KCNS3: variants seen among roughly 807,000 people sequenced by gnomAD.
KCNS3 encodes the protein potassium voltage-gated channel modifier subfamily S member 3, also known as delayed-rectifier potassium channel regulatory subunit KCNS3.
A neutral mutation model predicts 31.0 loss-of-function variants in KCNS3; 13 were observed. That is an observed-to-expected ratio of 0.42 (90% CI 0.27 to 0.67). The LOEUF (loss-of-function observed/expected upper bound fraction) is 0.67. Among genes scored for constraint, KCNS3 ranks in the 30% least tolerant of loss-of-function variants. KCNS3 has a pLI of 0.25. For synonymous variants in KCNS3, 238 were observed against 241.5 expected (o/e 0.99, Z 0.13); for missense variants, 545 against 622.4 (o/e 0.88, Z 1.32).
chr2:17,886,976 A>G (rs1037750534), intron 1 of KCNS3, among the ~76,000 whole-genome samples: 8 of 144,044 alleles, frequency 5.6e-5, no homozygotes, highest in Non-Finnish European at 1.2e-4. Flanking sequence ...TGATGTAATT[A>G]GAAATTGAAT....
At chr2:17,884,264 A>AT (rs1553340988) in intron 1 of KCNS3, among the ~76,000 whole-genome samples, 183 of 47,980 alleles carry the variant, frequency 3.8e-3, no homozygotes, top group African/African-American at 8.9e-3. Context: ...ATTAAAAAAA[A>AT]AAAAATATAT....
chr2:17,886,997 T>G (rs1661678671), intron 1 of KCNS3, among the ~76,000 whole-genome samples: 1 of 143,860 alleles, frequency 7.0e-6, no homozygotes, highest in African/African-American at 2.8e-5. Context: ...GTCAGCATGG[T>G]GCATCTTTTT....
At chr2:17,918,987 C>T (rs913139764) in intron 2 of KCNS3, among the ~76,000 whole-genome samples, 17 of 152,238 alleles carry the variant, frequency 1.1e-4, no homozygotes, top group Non-Finnish European at 2.5e-4. Context: ...GGAGTATTTA[C>T]AGCAGGGCTA....
chr2:17,928,252 T>G (rs184458187), intron 2 of KCNS3, among the ~76,000 whole-genome samples: 6 of 152,288 alleles, frequency 3.9e-5, no homozygotes, highest in African/African-American at 1.4e-4. Flanking sequence ...TCTTCTCTCA[T>G]TTTTTAATTT....
intron 1 of KCNS3, among the ~76,000 whole-genome samples, chr2:17,892,189 A>T (rs1292743194): frequency 6.6e-6 from 1 of 151,298 alleles, no homozygotes; most frequent in Non-Finnish European, 1.5e-5. Context: ...CGAGCTCTGA[A>T]TTTCTTTCTT....
In KCNS3 at chr2:17,931,783, G is replaced by A; in HGVS notation, c.775G>A (p.Asp259Asn). 6.2e-7 allele frequency: 1 copy of A among 1,614,120 alleles called. No individual in the cohort carries two copies. The highest frequency in any genetic ancestry group is 8.5e-7 in the Non-Finnish European group (1 of 1,179,994). ...CTGGAAAAACCCTCTGAACATCATTGACTTTGTCTCTATTATTCCCTTCTA... is the reference window on the plus strand; with the variant it reads ...CTGGAAAAACCCTCTGAACATCATTAACTTTGTCTCTATTATTCCCTTCTA... ...KFWKNPLNII[D>N]FVSIIPFYAT... The change falls in exon 3 of 3, where the codon GAC becomes AAC. Residue 259 changes from aspartate (D) to asparagine (N), a missense_variant. By Grantham distance (23) the Asp-to-Asn change is conservative. Transcript: ENST00000304101. The surrounding 1 kb of genome is among the most constrained non-coding windows in gnomAD (Gnocchi z 5.4).
chr2:17,879,423 T>G (rs565582345), intron 1 of KCNS3: 1 of 152,476 alleles, frequency 6.6e-6, no homozygotes, highest in South Asian at 2.1e-4. Context: ...CGTGCAGCGC[T>G]GCGCCCTGGG....
chr2:17,932,625 C>G lies in KCNS3; in HGVS notation c.*141C>G. 1 of 831,412 alleles carries G rather than the reference C, an allele frequency of 1.2e-6. No individual in the cohort carries two copies. The highest frequency in any genetic ancestry group is 1.9e-6 in the Non-Finnish European group (1 of 540,008). 51.5% of individuals were successfully genotyped at this position (831,412 alleles called of 1,614,324 possible). A position where few individuals can be genotyped will look rare whatever the true frequency, so the allele number is the denominator to read the frequency against. On this transcript the variant is annotated 3_prime_UTR_variant, in exon 3 of 3. Coordinates refer to ENST00000304101, the MANE Select transcript of KCNS3 (RefSeq NM_002252.5). The stretch of plus-strand genomic sequence containing the variant: ...ATAGTTGGACATTCATTGCTGAATT[C>G]TGAAATGATAGAATTGTCTTTATTT...
intron 2 of KCNS3, among the ~76,000 whole-genome samples, chr2:17,927,679 A>T (rs1662868944): frequency 6.6e-6 from 1 of 152,178 alleles, no homozygotes; most frequent in Non-Finnish European, 1.5e-5. Context: ...CTATTACAAG[A>T]ACAGCATGGG....
chr2:17,883,492 A>G lies in KCNS3; in HGVS notation c.-252+4686A>G, dbSNP rs1012569523. On this transcript the variant is annotated intron_variant, in intron 1 of 2. Transcript: ENST00000304101. ...AGTGGTAAGTTCTCTAAAGGACTTC[A>G]TGGGAGAGAGTAACAAGGGTAGGGA... 2.0e-5 allele frequency among the ~76,000 whole-genome samples: 3 copies of G among 152,166 alleles called. No homozygotes were observed. In the South Asian group the frequency reaches 6.2e-4, roughly 32 times the overall value.
intron 1 of KCNS3, among the ~76,000 whole-genome samples, chr2:17,890,856 A>C (rs554432819): frequency 6.6e-6 from 1 of 152,238 alleles, no homozygotes; most frequent in South Asian, 2.1e-4. Flanking sequence ...CATATGGTCT[A>C]TCTTGGAGAA....
intron 1 of KCNS3, among the ~76,000 whole-genome samples, chr2:17,898,750 A>G (rs1662091922): frequency 6.6e-6 from 1 of 152,212 alleles, no homozygotes; most frequent in Non-Finnish European, 1.5e-5. Flanking sequence ...TCAAAGGGGC[A>G]GAGGAAACTA....
At chr2:17,909,769 G>C (rs1019058404) in intron 1 of KCNS3, among the ~76,000 whole-genome samples, 6 of 152,206 alleles carry the variant, frequency 3.9e-5, no homozygotes, top group Admixed American at 3.9e-4. Context: ...TTAGGATATG[G>C]CTCACTTGGC....
chr2:17,890,966 C>T (rs1019368381), intron 1 of KCNS3, among the ~76,000 whole-genome samples: 15 of 152,022 alleles, frequency 9.9e-5, no homozygotes, highest in Admixed American at 6.6e-4. Context: ...AGTTTAAATC[C>T]GTTGTTTCTT....
chr2:17,926,283 G>A lies in KCNS3; in HGVS notation c.-59-4667G>A, dbSNP rs529004642. ...AGCTGCTTTCATGGACTGGTGTTGA[G>A]TGTCTGTGGCTTTTCCAGGTGCTCA... is the stretch of plus-strand genomic sequence containing the variant. On this transcript the variant is annotated intron_variant, in intron 2 of 2. Coordinates refer to ENST00000304101, the MANE Select transcript of KCNS3 (RefSeq NM_002252.5). Among the ~76,000 whole-genome samples, 3 of 152,350 alleles carry A rather than the reference G, an allele frequency of 2.0e-5. No homozygotes were observed. The East Asian group carries it at 5.8e-4, about 29-fold the overall frequency.
At chr2:17,919,288 G>A (rs1432439519) in intron 2 of KCNS3, 2 of 152,222 alleles carry the variant, frequency 1.3e-5, no homozygotes, top group African/African-American at 2.4e-5. Flanking sequence ...AATAGGGGAA[G>A]GAAGTGGGGG....
At chr2:17,898,867 T>A (rs1411689543) in intron 1 of KCNS3, among the ~76,000 whole-genome samples, 1 of 152,104 alleles carries the variant, frequency 6.6e-6, no homozygotes, top group Non-Finnish European at 1.5e-5. Context: ...GTGGCAGCAT[T>A]TCCTGTGTAC....
chr2:17,885,077 G>T (rs1661610720), intron 1 of KCNS3, among the ~76,000 whole-genome samples: 1 of 152,126 alleles, frequency 6.6e-6, no homozygotes, highest in Non-Finnish European at 1.5e-5. Context: ...AACTATGAAT[G>T]GGGATGTAGG....
At position 17,931,134 on chromosome 2, in the gene KCNS3, G is replaced by C; in HGVS notation, c.126G>C (p.Gly42=). 1 of 1,614,236 alleles carries C rather than the reference G, an allele frequency of 6.2e-7. No homozygotes were observed. The highest frequency in any genetic ancestry group is 1.1e-5 in the South Asian group (1 of 91,088). Residue 42 remains glycine, a synonymous_variant, in exon 3 of 3, where the codon GGG becomes GGC. Transcript: ENST00000304101. This position sits in a 1 kb window ranked among gnomAD's most constrained non-coding sequence, Gnocchi z 5.4. The part of the protein sequence containing the change: ...TLLRFPHTRL[G]KLLTCHSEEA... The stretch of plus-strand genomic sequence containing the variant: ...TGCGGTTTCCTCACACCAGACTGGG[G>C]AAGCTGCTTACTTGCCATTCTGAAG...
Sources: gnomAD v4.1 joint callset for allele counts (sites outside exome capture counted in the v4.1 genomes callset) on GRCh38, gnomAD v4.1.1 for gene constraint, Gnocchi (gnomAD v3.1) non-coding constraint, MANE v1.5 for transcripts, NCBI Gene and HGNC (gene_info 2026-07-23, HGNC 2026-07-21) for gene names.